Variants in TCF4 observed in about 807,000 individuals in gnomAD.
TCF4 encodes the protein transcription factor 4.
Under a neutral mutation model 82.1 loss-of-function variants are expected in TCF4, and 3 were observed. The observed-to-expected ratio is 0.04, with a 90% CI of 0.02 to 0.09. TCF4 has a LOEUF of 0.09. Among genes scored for constraint, TCF4 ranks in the 10% least tolerant of loss-of-function variants. TCF4 has a pLI of 1.00. For missense variants in TCF4, 518 were observed against 852.7 expected, an observed-to-expected ratio of 0.61 and a Z score of 4.89; for synonymous variants, 276 against 309.6, an observed-to-expected ratio of 0.89 and a Z score of 1.14.
At chr18:55,429,357 A>AAAACATGTT (rs2095103500) in intron 5 of TCF4, among the ~76,000 whole-genome samples, 4 of 152,326 alleles carry the variant, frequency 2.6e-5, no homozygotes, top group Admixed American at 2.0e-4. Flanking sequence ...TATACTTCAC[A>AAAACATGTT]CCTGGCTTAG....
intron 5 of TCF4, among the ~76,000 whole-genome samples, chr18:55,436,247 T>C (rs2095326615): frequency 6.6e-6 from 1 of 152,206 alleles, no homozygotes; most frequent in African/African-American, 2.4e-5. Flanking sequence ...AAAAAGTTCC[T>C]GGGTAAAGAA....
intron 17 of TCF4, chr18:55,230,843 T>G (rs764655066): frequency 1.3e-5 from 2 of 152,220 alleles, no homozygotes; most frequent in African/African-American, 2.4e-5. Context: ...GGGAGTGGTA[T>G]TCTTCGGTTG....
intron 12 of TCF4, 190 bp downstream of exon 12, chr18:55,261,276 G>C (rs1437396729): frequency 1.4e-5 from 10 of 690,604 alleles, no homozygotes; most frequent in Non-Finnish European, 2.6e-5. Flanking sequence ...GAGGATGAGA[G>C]AAAGAGACTA....
At chr18:55,354,824 A>AG (rs1477610568) in intron 6 of TCF4, among the ~76,000 whole-genome samples, 1 of 152,142 alleles carries the variant, frequency 6.6e-6, no homozygotes, top group Non-Finnish European at 1.5e-5. Flanking sequence ...AAACTGGAAG[A>AG]GGGGAAAAAA....
At chr18:55,477,962 G>A (rs765615972) in intron 3 of TCF4, among the ~76,000 whole-genome samples, 10 of 152,088 alleles carry the variant, frequency 6.6e-5, no homozygotes, top group Non-Finnish European at 8.8e-5. Context: ...TGAGGTACTG[G>A]TCTTACCAAT....
intron 2 of TCF4, among the ~76,000 whole-genome samples, chr18:55,595,288 G>A (rs1603625110): frequency 1.3e-5 from 2 of 152,172 alleles, no homozygotes; most frequent in South Asian, 4.1e-4. Flanking sequence ...ATTCTGCCTT[G>A]GCAGGATTAC....
chr18:55,573,197 G>A (rs1256849820), intron 3 of TCF4, among the ~76,000 whole-genome samples: 2 of 151,770 alleles, frequency 1.3e-5, no homozygotes, highest in Non-Finnish European at 2.9e-5. Context: ...TTGCTAAAAA[G>A]GCAGTGGCTA....
intron 3 of TCF4, among the ~76,000 whole-genome samples, chr18:55,472,588 G>A (rs990049139): frequency 1.3e-5 from 2 of 152,072 alleles, no homozygotes; most frequent in Non-Finnish European, 2.9e-5. Flanking sequence ...AGAGTATAAC[G>A]TGAACTATAT....
chr18:55,493,194 T>A (rs982730819), intron 3 of TCF4, among the ~76,000 whole-genome samples: 4 of 152,120 alleles, frequency 2.6e-5, no homozygotes, highest in Non-Finnish European at 4.4e-5. Flanking sequence ...AAGTCTATTT[T>A]AAAAAACAAG....
intron 11 of TCF4, among the ~76,000 whole-genome samples, chr18:55,263,639 C>A (rs1003045633): frequency 6.6e-6 from 1 of 151,792 alleles, no homozygotes; most frequent in East Asian, 1.9e-4. Context: ...AACCTAAAAA[C>A]CATTCTAAAG....
rs2046273610 is a variant in TCF4, at chr18:55,224,074, G to T, written c.*3961C>A. The T allele has an allele frequency of 6.7e-6, 1 of 149,974 alleles. No individual in the cohort carries two copies. Among genetic ancestry groups the T allele is most frequent in the Non-Finnish European group, 1.5e-5 (1 of 67,716 alleles). 9.3% of individuals were successfully genotyped at this position (149,974 alleles called of 1,614,324 possible). A position where few individuals can be genotyped will look rare whatever the true frequency, so the allele number is the denominator to read the frequency against. ...TTAGTTTTTTTTTTTTCCTACTAGG[G>T]TGTACTACAGTCTATTTTATAGCAA... On this transcript the variant is annotated 3_prime_UTR_variant, in exon 20 of 20. Transcript: ENST00000354452.
chr18:55,368,327 G>A (rs2087834109), intron 6 of TCF4, among the ~76,000 whole-genome samples: 1 of 152,180 alleles, frequency 6.6e-6, no homozygotes, highest in African/African-American at 2.4e-5. Flanking sequence ...GTTGCAGTGA[G>A]CTGAGATTGC....
chr18:55,286,047 C>A (rs2063600610), intron 8 of TCF4, among the ~76,000 whole-genome samples: 1 of 152,132 alleles, frequency 6.6e-6, no homozygotes, highest in Admixed American at 6.5e-5. Flanking sequence ...TATCTATGAC[C>A]CCAGGTTTCT....
intron 5 of TCF4, among the ~76,000 whole-genome samples, chr18:55,410,743 T>C (rs1464215167): frequency 6.6e-6 from 1 of 152,094 alleles, no homozygotes; most frequent in African/African-American, 2.4e-5. Flanking sequence ...CAACAACCAT[T>C]GCCTTCTCAC....
At chr18:55,349,417 T>C (rs909836709) in intron 8 of TCF4, among the ~76,000 whole-genome samples, 3 of 152,152 alleles carry the variant, frequency 2.0e-5, no homozygotes, top group Admixed American at 2.0e-4. Flanking sequence ...CAAGCATTGA[T>C]TGGTAATATA....
At position 55,228,033 on chromosome 18, in the gene TCF4, GA is replaced by G. The variant is rs2046826474; in HGVS notation, c.*5-4del. 3 of 697,026 alleles carry G rather than the reference GA, an allele frequency of 4.3e-6. No individual in the cohort carries two copies. Among genetic ancestry groups the G allele is most frequent in the Non-Finnish European group, 4.6e-6 (2 of 438,036 alleles). The allele number at this position is 697,026 out of a possible 1,614,324, so 43.2% of individuals were successfully genotyped here. ...TGAAGCAATGTGGCAACTTGGACCT[GA>G]GAAAGGAAAAAAGAGAGAAAAAATT... On this transcript the variant is annotated splice_polypyrimidine_tract_variant and splice_region_variant and intron_variant, in intron 19 of 19. Coordinates refer to ENST00000354452, the MANE Select transcript of TCF4 (RefSeq NM_001083962.2).
chr18:55,556,967 A>C (rs187227201), intron 3 of TCF4, among the ~76,000 whole-genome samples: 1 of 152,266 alleles, frequency 6.6e-6, no homozygotes, highest in African/African-American at 2.4e-5. Context: ...TCCCAACTTT[A>C]TGTAAGTCTC....
chr18:55,592,062 T>C (rs1040304780), upstream of TCF4, among the ~76,000 whole-genome samples: 2 of 152,168 alleles, frequency 1.3e-5, no homozygotes, highest in Non-Finnish European at 2.9e-5. Context: ...TGTCACAGAA[T>C]TGTCACAGAA....
At chr18:55,353,390 C>CTATG (rs2082719692) in intron 6 of TCF4, among the ~76,000 whole-genome samples, 1 of 152,148 alleles carries the variant, frequency 6.6e-6, no homozygotes, top group East Asian at 1.9e-4. Context: ...AGCACTAGGA[C>CTATG]CAGATAGCAC....
Sources: gnomAD v4.1 joint callset for allele counts (sites outside exome capture counted in the v4.1 genomes callset) on GRCh38, gnomAD v4.1.1 for gene constraint, MANE v1.5 for transcripts, NCBI Gene and HGNC (gene_info 2026-07-23, HGNC 2026-07-21) for gene names.